The following PARD3B variants were observed in gnomAD, a reference collection of about 807,000 sequenced individuals.
PARD3B encodes the protein par-3 family cell polarity regulator beta, also known as partitioning defective 3 homolog B.
A neutral mutation model predicts 130.2 loss-of-function variants in PARD3B; 103 were observed. That is an observed-to-expected ratio of 0.79 (90% confidence interval 0.67 to 0.93). The LOEUF (loss-of-function observed/expected upper bound fraction) is 0.93. Ranked by LOEUF, PARD3B falls within the 40% of genes least tolerant of loss-of-function variation. The pLI, the probability that PARD3B is intolerant of heterozygous loss-of-function variation, is 0.00. For missense variants in PARD3B, 1,609 were observed against 1,499.2 expected, an observed-to-expected ratio of 1.07 and a Z score of -1.21; for synonymous variants, 583 against 553.2, an observed-to-expected ratio of 1.05 and a Z score of -0.76.
At chr2:204,756,318 C>A (rs1207349833) in intron 2 of PARD3B, among the ~76,000 whole-genome samples, 1 of 151,950 alleles carries the variant, frequency 6.6e-6, no homozygotes, top group African/African-American at 2.4e-5. Flanking sequence ...TAGTGTGGCC[C>A]TATCTTTGTA....
At chr2:205,434,821 A>G (rs2047453969) in intron 19 of PARD3B, among the ~76,000 whole-genome samples, 1 of 145,862 alleles carries the variant, frequency 6.9e-6, no homozygotes, top group African/African-American at 2.5e-5. Context: ...GGTACAGGGT[A>G]TTTAATGTTT....
intron 10 of PARD3B, among the ~76,000 whole-genome samples, chr2:205,138,448 A>G (rs1211166944): frequency 6.6e-6 from 1 of 152,176 alleles, no homozygotes; most frequent in African/African-American, 2.4e-5. Flanking sequence ...ACTCTTTTAG[A>G]CATCTACAAT....
rs926210229 is a variant in PARD3B at position 205,258,008 on chromosome 2, C to T, written c.2185+12186C>T. Among the ~76,000 whole-genome samples the T allele has an allele frequency of 3.3e-5, 5 of 152,142 alleles. No homozygotes were observed. Among genetic ancestry groups the T allele is most frequent in the African/African-American group, 1.2e-4 (5 of 41,440 alleles). On this transcript the variant is annotated intron_variant, in intron 16 of 22. Coordinates refer to ENST00000406610, the MANE Select transcript of PARD3B (RefSeq NM_001302769.2). The surrounding 1 kb of genome is among the most constrained non-coding windows in gnomAD (Gnocchi z 4.9). ...AGTGCAAGAAATGTGCAAAGCTTCA[C>T]CTTTTACTTACTATAAACTTCTCTC...
chr2:204,582,113 G>A (rs1449700058), intron 1 of PARD3B, among the ~76,000 whole-genome samples: 1 of 152,074 alleles, frequency 6.6e-6, no homozygotes, highest in East Asian at 1.9e-4. Context: ...TGTTCTTCTC[G>A]AATGTTCCCA....
At chr2:205,016,980 T>TGG (rs966000769) in intron 3 of PARD3B, among the ~76,000 whole-genome samples, 8 of 152,186 alleles carry the variant, frequency 5.3e-5, no homozygotes, top group Non-Finnish European at 1.2e-4. Context: ...AGTTTAAGGG[T>TGG]GGGGGCTACA....
intron 1 of PARD3B, among the ~76,000 whole-genome samples, chr2:204,619,799 G>T (rs1460779281): frequency 1.3e-5 from 2 of 152,154 alleles, no homozygotes; most frequent in Non-Finnish European, 2.9e-5. Context: ...AGAAATAAGA[G>T]AAGGGACGGT....
intron 22 of PARD3B, among the ~76,000 whole-genome samples, chr2:205,554,739 T>C (rs1380338945): frequency 6.6e-6 from 1 of 152,216 alleles, no homozygotes; most frequent in Non-Finnish European, 1.5e-5. Context: ...TTTTTTTCCA[T>C]GTCATTATTC....
chr2:205,296,867 A>C (rs1010435321), intron 16 of PARD3B, among the ~76,000 whole-genome samples: 1 of 147,732 alleles, frequency 6.8e-6, no homozygotes. Flanking sequence ...AAGCGCTATA[A>C]CATCTTTTTA....
intron 20 of PARD3B, among the ~76,000 whole-genome samples, chr2:205,455,253 G>C (rs1377558317): frequency 6.6e-6 from 1 of 151,990 alleles, no homozygotes; most frequent in African/African-American, 2.4e-5. Flanking sequence ...GTTATTACAA[G>C]GATTTGCATT....
chr2:205,139,888 T>C (rs561834804), intron 10 of PARD3B, among the ~76,000 whole-genome samples: 8 of 151,826 alleles, frequency 5.3e-5, no homozygotes, highest in Non-Finnish European at 1.0e-4. Flanking sequence ...GGCTTACTTA[T>C]TAAGAAGCCA....
chr2:204,850,270 A>G (rs1189601800), intron 2 of PARD3B, among the ~76,000 whole-genome samples: 1 of 152,154 alleles, frequency 6.6e-6, no homozygotes, highest in Admixed American at 6.6e-5. Context: ...CGATATTTCT[A>G]CTAAATAAAC....
chr2:205,207,139 G>A (rs1197396759), intron 15 of PARD3B, among the ~76,000 whole-genome samples: 1 of 142,140 alleles, frequency 7.0e-6, no homozygotes, highest in Non-Finnish European at 1.5e-5. Flanking sequence ...ACGAAATGAA[G>A]GCAGAAATAA....
intron 19 of PARD3B, among the ~76,000 whole-genome samples, chr2:205,424,840 G>A (rs1278166466): frequency 6.6e-6 from 1 of 152,052 alleles, no homozygotes; most frequent in Admixed American, 6.6e-5. Flanking sequence ...GTTAAACAAT[G>A]CTGTGCTCCA....
intron 22 of PARD3B, among the ~76,000 whole-genome samples, chr2:205,607,250 A>G (rs964511240): frequency 1.3e-5 from 2 of 152,176 alleles, no homozygotes; most frequent in African/African-American, 2.4e-5. Flanking sequence ...AAAAAAAAAA[A>G]AAGAAGTCTC....
chr2:204,579,989 T>A (rs1243671595), intron 1 of PARD3B, among the ~76,000 whole-genome samples: 1 of 152,248 alleles, frequency 6.6e-6, no homozygotes, highest in Non-Finnish European at 1.5e-5. Context: ...GCTACATTGT[T>A]ACAGTGATGT....
At chr2:205,272,822 T>G (rs1300998849) in intron 16 of PARD3B, among the ~76,000 whole-genome samples, 1 of 152,232 alleles carries the variant, frequency 6.6e-6, no homozygotes, top group African/African-American at 2.4e-5. Context: ...CATCCGTGTC[T>G]TATTATTCAA....
At chr2:204,891,794 C>G (rs576806698) in intron 2 of PARD3B, among the ~76,000 whole-genome samples, 1 of 152,242 alleles carries the variant, frequency 6.6e-6, no homozygotes, top group Non-Finnish European at 1.5e-5. Flanking sequence ...TCCTTTGGCT[C>G]TCAGTAGTTA....
At chr2:204,725,318 G>A (rs2039174996) in intron 2 of PARD3B, among the ~76,000 whole-genome samples, 1 of 152,094 alleles carries the variant, frequency 6.6e-6, no homozygotes, top group Non-Finnish European at 1.5e-5. Context: ...TCTGGAAAAA[G>A]CAAGACAAAT....
chr2:204,678,053 C>G lies in PARD3B; in HGVS notation c.121-8128C>G, dbSNP rs2036634848. Reference sequence around the variant, plus strand: ...ATGTAAATACCTTGGAAGTATATCACACGTGCAGAAAAGTACACAAGTTAA... The same window carrying G: ...ATGTAAATACCTTGGAAGTATATCAGACGTGCAGAAAAGTACACAAGTTAA... On this transcript the variant is annotated intron_variant, in intron 1 of 22. Coordinates refer to ENST00000406610, the MANE Select transcript of PARD3B (RefSeq NM_001302769.2). The surrounding 1 kb of genome is among the most constrained non-coding windows in gnomAD (Gnocchi z 4.2). Among the ~76,000 whole-genome samples, 1 of 152,182 alleles carries G rather than the reference C, an allele frequency of 6.6e-6. No individual in the cohort carries two copies. The highest frequency in any genetic ancestry group is 6.5e-5 in the Admixed American group (1 of 15,288).
Sources: allele counts gnomAD v4.1 joint callset (sites outside exome capture counted in the v4.1 genomes callset), GRCh38; gene constraint gnomAD v4.1.1; non-coding constraint Gnocchi (gnomAD v3.1); transcripts MANE v1.5; gene names NCBI Gene and HGNC (gene_info 2026-07-23, HGNC 2026-07-21).